The following NOXA1 variants were observed in gnomAD, a reference collection of about 807,000 sequenced individuals.
NOXA1 encodes NADPH oxidase activator 1.
Under a neutral mutation model 64.8 loss-of-function variants are expected in NOXA1, and 56 were observed. The observed-to-expected ratio is 0.86, with a 90% CI of 0.70 to 1.08. The LOEUF is 1.08. NOXA1 is among the 50% of genes least tolerant of loss of function. The pLI, the probability that NOXA1 is intolerant of heterozygous loss-of-function variation, is 0.00. For missense variants in NOXA1, 668 were observed against 658.5 expected (o/e 1.01, Z -0.16); for synonymous variants, 295 against 294.8 (o/e 1.00, Z -0.01).
At chr9:137,423,933 C>T (rs1196157368) in intron 1 of NOXA1, among the ~76,000 whole-genome samples, 3 of 152,176 alleles carry the variant, frequency 2.0e-5, no homozygotes, top group African/African-American at 7.2e-5. Context: ...GTGACTCACA[C>T]CGGGAAGGGG....
chr9:137,432,768 C>A (rs1434855327), intron 8 of NOXA1, among the ~76,000 whole-genome samples: 1 of 152,212 alleles, frequency 6.6e-6, no homozygotes, highest in Admixed American at 6.5e-5. Flanking sequence ...GGGAGCCCAC[C>A]CACCTGGAGC....
intron 2 of NOXA1, among the ~76,000 whole-genome samples, chr9:137,427,043 C>T (rs952901178): frequency 6.6e-6 from 1 of 152,046 alleles, no homozygotes; most frequent in Non-Finnish European, 1.5e-5. Flanking sequence ...GTGATCCACC[C>T]GCCTCGGCCT....
chr9:137,433,033 C>T lies in NOXA1; in HGVS notation c.809C>T (p.Pro270Leu), dbSNP rs774936972. 3 of 1,612,652 alleles carry T rather than the reference C, an allele frequency of 1.9e-6. No individual in the cohort carries two copies. In the Admixed American group the frequency reaches 5.0e-5, roughly 27 times the overall value. The change falls in exon 9 of 14, where the codon CCC becomes CTC. Residue 270 changes from proline (P) to leucine (L), a missense_variant. Transcript: ENST00000683555. ...CTSTAYQEQR[P>L]QVEQVGKQAP... is the part of the protein sequence containing the mutation. ...CAGCCTGTGCTTCTCTTGCAGAGGC[C>T]CCAGGTGGAGCAAGTTGGCAAACAG...
rs1839229801 is a variant in NOXA1 at position 137,433,757 on chromosome 9, G to A, written c.1072G>A (p.Ala358Thr). ...TGAGGAATCTCTTTGCAGTTACCTA[G>A]CCCCAGGTGAGGACGGGCACTGGGT... is the stretch of plus-strand genomic sequence containing the variant. ...QAQLGQLSYL[A>T]PGEDGHWVPI... Residue 358 changes from alanine to threonine, a missense_variant, in exon 12 of 14, where the codon GCC (alanine) becomes ACC (threonine). By Grantham distance (58) the Ala-to-Thr change is moderately conservative. Coordinates refer to ENST00000683555, the MANE Select transcript of NOXA1 (RefSeq NM_001256067.2). 4.1e-6 allele frequency: 6 copies of A among 1,458,732 alleles called. No individual in the cohort carries two copies. Among genetic ancestry groups the A allele is most frequent in the Non-Finnish European group, 5.5e-6 (6 of 1,100,342 alleles). The allele number at this position is 1,458,732 out of a possible 1,614,324, so 90.4% of individuals were successfully genotyped here.
intron 5 of NOXA1, 63 bp downstream of exon 5, chr9:137,429,446 C>A: frequency 8.2e-7 from 1 of 1,213,796 alleles, no homozygotes; most frequent in Non-Finnish European, 1.2e-6. Flanking sequence ...ACTGTGTTCC[C>A]AGGGATGGGG....
At position 137,431,811 on chromosome 9, in the gene NOXA1, G is replaced by A. The variant is rs1839120821; in HGVS notation, c.804+470G>A. Among the ~76,000 whole-genome samples, 1 of 152,190 alleles carries A rather than the reference G, an allele frequency of 6.6e-6. No individual in the cohort carries two copies. The highest frequency in any genetic ancestry group is 2.4e-5 in the African/African-American group (1 of 41,434). The stretch of plus-strand genomic sequence containing the variant: ...ACCTGGGGAGAGGCGGAGGAAGGCA[G>A]GAACCCCAGCTGCTCCCAGGGTGGC... On this transcript the variant is annotated intron_variant, in intron 8 of 13. Transcript: ENST00000683555. The surrounding 1 kb of genome is among the most constrained non-coding windows in gnomAD (Gnocchi z 5.6).
rs772739235 is a variant in NOXA1 at position 137,423,649 on chromosome 9, G to C, written c.120G>C (p.Leu40=). The C allele has an allele frequency of 6.5e-4, 920 of 1,421,080 alleles. No individual in the cohort carries two copies. Among genetic ancestry groups the C allele is most frequent in the Middle Eastern group, 1.5e-3 (7 of 4,670 alleles). The allele number at this position is 1,421,080 out of a possible 1,614,324, so 88.0% of individuals were successfully genotyped here. ...GCGTCCCGGCGCCGCCCGCCAGGCTGTGCTTCAACGCGGGCTGCGTGCACC... is the reference window on the plus strand; with the variant it reads ...GCGTCCCGGCGCCGCCCGCCAGGCTCTGCTTCAACGCGGGCTGCGTGCACC... The part of the protein sequence containing the change: ...FSGVPAPPAR[L]CFNAGCVHLL... The change falls in exon 1 of 14, where the codon CTG becomes CTC. Residue 40 remains leucine, a synonymous_variant. Transcript: ENST00000683555.
At chr9:137,430,482 G>A (rs1839065603) in intron 5 of NOXA1, among the ~76,000 whole-genome samples, 1 of 152,378 alleles carries the variant, frequency 6.6e-6, no homozygotes, top group East Asian at 1.9e-4. Flanking sequence ...TGGGGTGGGC[G>A]AAGCCGGGCT....
At position 137,423,539 on chromosome 9, in the gene NOXA1, C is replaced by T. The variant is rs142483373; in HGVS notation, c.10C>T (p.Leu4=). ...GCCGCCACCGGCCGCCATGGCCTCT[C>T]TGGGGGACCTGGTGCGCGCCTGGCA... MAS[L]GDLVRAWHLG... is the part of the protein sequence containing the mutation. The change falls in exon 1 of 14, where the codon CTG becomes TTG. Residue 4 remains leucine (L), a synonymous_variant. Coordinates refer to ENST00000683555, the MANE Select transcript of NOXA1 (RefSeq NM_001256067.2). 3,401 of 1,427,120 alleles carry T rather than the reference C, an allele frequency of 2.4e-3. 74 individuals carry two copies. In the African/African-American group the frequency reaches 0.043, roughly 18 times the overall value. 88.4% of individuals were successfully genotyped at this position (1,427,120 alleles called of 1,614,324 possible). A position where few individuals can be genotyped will look rare whatever the true frequency, so the allele number is the denominator to read the frequency against.
rs1443182575 is a variant in NOXA1, at chr9:137,433,577, T to C, written c.1034T>C (p.Leu345Pro). 6 of 1,560,488 alleles carry C rather than the reference T, an allele frequency of 3.8e-6. No individual in the cohort carries two copies. Among genetic ancestry groups the C allele is most frequent in the Non-Finnish European group, 5.2e-6 (6 of 1,154,684 alleles). ...SSLRALLGQALPHQAQLGQLS... is the reference protein window; with the variant it reads ...SSLRALLGQAPPHQAQLGQLS... ...CTGCGGGCACTGCTGGGCCAAGCCC[T>C]CCCTCACCAGGCCCAGCTTGGGCAA... is the stretch of plus-strand genomic sequence containing the variant. The change falls in exon 11 of 14, where the codon CTC becomes CCC. Residue 345 changes from leucine (L) to proline (P), a missense_variant. Physicochemically the swap from Leu to Pro is moderately conservative, Grantham distance 98. Coordinates refer to ENST00000683555, the MANE Select transcript of NOXA1 (RefSeq NM_001256067.2).
chr9:137,432,933 C>A, intron 8 of NOXA1, 96 bp from the exon 9 acceptor site: 2 of 1,362,806 alleles, frequency 1.5e-6, no homozygotes, highest in Non-Finnish European at 2.1e-6. Context: ...GCTGGCCGGG[C>A]ACACAGGCCA....
Position 137,423,723 on chromosome 9 carries a change from G to A in NOXA1, c.177+17G>A, listed in dbSNP as rs2131864318. 3 of 1,262,294 alleles carry A rather than the reference G, an allele frequency of 2.4e-6. No individual in the cohort carries two copies. The highest frequency in any genetic ancestry group is 5.4e-5 in the South Asian group (2 of 36,996). The allele number at this position is 1,262,294 out of a possible 1,614,324, so 78.2% of individuals were successfully genotyped here. On this transcript the variant is annotated intron_variant, in intron 1 of 13. Transcript: ENST00000683555. Reference sequence around the variant, plus strand: ...GCGCTGCGGGTGAGCGGGGCGTGGGGAGGCCGGTGCGGGCGACGCCTCCGC... The same window carrying A: ...GCGCTGCGGGTGAGCGGGGCGTGGGAAGGCCGGTGCGGGCGACGCCTCCGC...
In NOXA1 at chr9:137,431,217, G is replaced by T; in HGVS notation, c.699-19G>T. 6.2e-7 allele frequency: 1 copy of T among 1,609,432 alleles called. No individual in the cohort carries two copies. Among genetic ancestry groups the T allele is most frequent in the Non-Finnish European group, 8.5e-7 (1 of 1,177,286 alleles). ...GCAGTCAGATGGGCAGGGCCTGAGA[G>T]CCTCCCTCCTCTCCCTAGGTCCCTA... is the stretch of plus-strand genomic sequence containing the variant. On this transcript the variant is annotated intron_variant, in intron 7 of 13. Transcript: ENST00000683555. The surrounding 1 kb of genome is among the most constrained non-coding windows in gnomAD (Gnocchi z 5.6).
In NOXA1 at chr9:137,431,354, G is replaced by A. The variant is rs1190723680; in HGVS notation, c.804+13G>A. The A allele has an allele frequency of 1.3e-6, 2 of 1,599,942 alleles. No homozygotes were observed. Among genetic ancestry groups the A allele is most frequent in the African/African-American group, 1.3e-5 (1 of 74,824 alleles). The stretch of plus-strand genomic sequence containing the variant: ...CTACCAGGAGCAGGTGCGTGGGCCT[G>A]GGCCTCTTCCCCTGCTGGGGGTCGG... On this transcript the variant is annotated intron_variant, in intron 8 of 13. Coordinates refer to ENST00000683555, the MANE Select transcript of NOXA1 (RefSeq NM_001256067.2). The surrounding 1 kb of genome is among the most constrained non-coding windows in gnomAD (Gnocchi z 5.6).
Position 137,431,191 on chromosome 9 carries a change from G to T in NOXA1, c.699-45G>T. Reference sequence around the variant, plus strand: ...GGGCCACGCGGGCCGGGCACAGGAGGGCAGTCAGATGGGCAGGGCCTGAGA... The same window carrying T: ...GGGCCACGCGGGCCGGGCACAGGAGTGCAGTCAGATGGGCAGGGCCTGAGA... On this transcript the variant is annotated intron_variant, in intron 7 of 13. Coordinates refer to ENST00000683555, the MANE Select transcript of NOXA1 (RefSeq NM_001256067.2). This position sits in a 1 kb window ranked among gnomAD's most constrained non-coding sequence, Gnocchi z 5.6. 6.2e-7 allele frequency: 1 copy of T among 1,609,616 alleles called. No homozygotes were observed. Among genetic ancestry groups the T allele is most frequent in the Non-Finnish European group, 8.5e-7 (1 of 1,177,416 alleles).
Position 137,433,542 on chromosome 9 carries a change from C to G in NOXA1, c.999C>G (p.Asp333Glu). Reference protein sequence around the residue: ...TVALRARRGADLSSLRALLGQ... With the variant: ...TVALRARRGAELSSLRALLGQ... ...CCCTGAGGGCACGAAGAGGAGCCGACCTGTCCAGCCTGCGGGCACTGCTGG... is the reference window on the plus strand; with the variant it reads ...CCCTGAGGGCACGAAGAGGAGCCGAGCTGTCCAGCCTGCGGGCACTGCTGG... The change falls in exon 11 of 14, where the codon GAC becomes GAG. Residue 333 changes from aspartate (D) to glutamate (E), a missense_variant. By Grantham distance (45) the Asp-to-Glu change is conservative. Transcript: ENST00000683555. 6.3e-7 allele frequency: 1 copy of G among 1,581,286 alleles called. No homozygotes were observed. Among genetic ancestry groups the G allele is most frequent in the Non-Finnish European group, 8.6e-7 (1 of 1,166,642 alleles).
At position 137,431,299 on chromosome 9, in the gene NOXA1, G is replaced by C; in HGVS notation, c.762G>C (p.Glu254Asp). The C allele has an allele frequency of 1.2e-6, 2 of 1,612,138 alleles. No individual in the cohort carries two copies. Among genetic ancestry groups the C allele is most frequent in the Non-Finnish European group, 8.5e-7 (1 of 1,179,952 alleles). The change falls in exon 8 of 14, where the codon GAG becomes GAC. Residue 254 changes from glutamate to aspartate, a missense_variant. Transcript: ENST00000683555. The surrounding 1 kb of genome is among the most constrained non-coding windows in gnomAD (Gnocchi z 5.6). The stretch of plus-strand genomic sequence containing the variant: ...AGGGCCCCCTCGATGCAGAGACAGA[G>C]GTCGGTGCTGACCGCTGCACGTCGA... ...THQGPLDAET[E>D]VGADRCTSTA...
Position 137,431,590 on chromosome 9 carries a change from C to T in NOXA1, c.804+249C>T, listed in dbSNP as rs974570251. 3.9e-5 allele frequency among the ~76,000 whole-genome samples: 6 copies of T among 152,204 alleles called. No homozygotes were observed. The highest frequency in any genetic ancestry group is 1.2e-4 in the African/African-American group (5 of 41,452). On this transcript the variant is annotated intron_variant, in intron 8 of 13. Transcript: ENST00000683555. The surrounding 1 kb of genome is among the most constrained non-coding windows in gnomAD (Gnocchi z 5.6). Reference sequence around the variant, plus strand: ...TGTCCAGTGGAGACATCCACGTAGCCCTGCAGGCCCTCAGCCCCCAGGACC... The same window carrying T: ...TGTCCAGTGGAGACATCCACGTAGCTCTGCAGGCCCTCAGCCCCCAGGACC...
At chr9:137,433,923 C>G (rs769566877) in intron 12 of NOXA1, 42 bp from the exon 13 acceptor site, 1 of 1,512,308 alleles carries the variant, frequency 6.6e-7, no homozygotes, top group Non-Finnish European at 8.9e-7. Context: ...GGCCCCTCCT[C>G]CCAGTGCCCG....
Sources: gnomAD v4.1 joint callset for allele counts (sites outside exome capture counted in the v4.1 genomes callset) on GRCh38, gnomAD v4.1.1 for gene constraint, Gnocchi (gnomAD v3.1) non-coding constraint, MANE v1.5 for transcripts, NCBI Gene and HGNC (gene_info 2026-07-23, HGNC 2026-07-21) for gene names.